EHD4: variants seen among roughly 807,000 people sequenced by gnomAD.
EHD4 encodes EH domain containing 4, also known as EH domain-containing protein 4.
A neutral mutation model predicts 51.0 loss-of-function variants in EHD4; 37 were observed. That is an observed-to-expected ratio of 0.73 (90% CI 0.56 to 0.95). The LOEUF (loss-of-function observed/expected upper bound fraction) is 0.95, where lower values mean the gene tolerates loss of function less well. EHD4 is among the 40% of genes least tolerant of loss of function. EHD4 has a pLI of 0.00. For missense variants in EHD4, 632 were observed against 733.1 expected, an observed-to-expected ratio of 0.86 and a Z score of 1.59; for synonymous variants, 297 against 317.3, an observed-to-expected ratio of 0.94 and a Z score of 0.68.
At chr15:41,908,899 C>T (rs1172494222) in intron 5 of EHD4, among the ~76,000 whole-genome samples, 3 of 152,242 alleles carry the variant, frequency 2.0e-5, no homozygotes, top group Non-Finnish European at 4.4e-5. Flanking sequence ...GTGGTGGCTG[C>T]AGGCATCTGA....
At chr15:41,925,577 G>T (rs926521346) in intron 3 of EHD4, among the ~76,000 whole-genome samples, 24 of 152,180 alleles carry the variant, frequency 1.6e-4, no homozygotes, top group Non-Finnish European at 1.2e-4. Flanking sequence ...ACTTATTCAT[G>T]CAATTAATAG....
In EHD4 at chr15:41,905,815, A is replaced by G. The variant is rs539099085; in HGVS notation, c.1089+3884T>C. On this transcript the variant is annotated intron_variant, in intron 5 of 5. Coordinates refer to ENST00000220325, the MANE Select transcript of EHD4 (RefSeq NM_139265.4). ...CTCTCAACTGGCTGGGAACACAGGC[A>G]TGAGCCAACCACACCTGGCTAATTT... is the stretch of plus-strand genomic sequence containing the variant. 2.6e-5 allele frequency among the ~76,000 whole-genome samples: 4 copies of G among 152,316 alleles called. No homozygotes were observed. In the East Asian group the frequency reaches 7.7e-4, roughly 29 times the overall value.
rs1322812513 is a variant in EHD4, at chr15:41,898,358, A to G, written c.*2287T>C. 1 of 152,204 alleles carries G rather than the reference A, an allele frequency of 6.6e-6. No homozygotes were observed. The allele number at this position is 152,204 out of a possible 1,614,324, so 9.4% of individuals were successfully genotyped here. On this transcript the variant is annotated 3_prime_UTR_variant, in exon 6 of 6. Transcript: ENST00000220325. ...TTACATATGTACACGTTGTTTTAAA[A>G]CGACATACTCATGTGACACACATGT...
chr15:41,954,550 T>C (rs1375908948), intron 1 of EHD4, among the ~76,000 whole-genome samples: 1 of 152,196 alleles, frequency 6.6e-6, no homozygotes, highest in African/African-American at 2.4e-5. Flanking sequence ...TTCTATCAAA[T>C]GCCAAATACA....
chr15:41,900,782 CGTCGCA>C lies in EHD4; in HGVS notation c.1483_1488del (p.Cys495_Asp496del), dbSNP rs1444937944. 2 of 1,614,048 alleles carry C rather than the reference CGTCGCA, an allele frequency of 1.2e-6. No individual in the cohort carries two copies. Among genetic ancestry groups the C allele is most frequent in the African/African-American group, 1.3e-5 (1 of 74,924 alleles). ...GCGAACTCCTCCTCATCAAGCATGC[CGTCGCA>C]GTCGCAGTCGGCCAGCTTCCAGATC... On this transcript the variant is annotated inframe_deletion, in exon 6 of 6. Transcript: ENST00000220325. The surrounding 1 kb of genome is among the most constrained non-coding windows in gnomAD (Gnocchi z 4.8).
chr15:41,954,577 A>G (rs1416115274), intron 1 of EHD4, among the ~76,000 whole-genome samples: 1 of 152,234 alleles, frequency 6.6e-6, no homozygotes, highest in Non-Finnish European at 1.5e-5. Flanking sequence ...CCATCTTTAA[A>G]AGAATGAGAA....
At chr15:41,949,378 A>T (rs994782443) in intron 2 of EHD4, among the ~76,000 whole-genome samples, 1 of 151,868 alleles carries the variant, frequency 6.6e-6, no homozygotes, top group Non-Finnish European at 1.5e-5. Flanking sequence ...TCAAAAAAAT[A>T]ATAATAATAA....
intron 5 of EHD4, among the ~76,000 whole-genome samples, chr15:41,906,836 G>A (rs7172468): frequency 0.34 from 52,306 of 152,112 alleles, 9,293 homozygotes; most frequent in Middle Eastern, 0.55. Context: ...GGAGTGGCTG[G>A]CTGGATCCTG....
At chr15:41,972,116 C>A (rs2068000586) in intron 1 of EHD4, 143 bp downstream of exon 1, 1 of 790,180 alleles carries the variant, frequency 1.3e-6, no homozygotes, top group Non-Finnish European at 1.6e-6. Flanking sequence ...GGGGCGGGGC[C>A]GAGGGCACCG....
chr15:41,916,919 C>T (rs1333421812), intron 4 of EHD4, among the ~76,000 whole-genome samples: 1 of 152,180 alleles, frequency 6.6e-6, no homozygotes, highest in Non-Finnish European at 1.5e-5. Context: ...GTTTGACCGT[C>T]CCCCACTCCC....
At position 41,919,455 on chromosome 15, in the gene EHD4, C is replaced by CA. The variant is rs1317330452; in HGVS notation, c.678_679insT (p.Val227CysfsTer51). 3.8e-6 allele frequency: 6 copies of CA among 1,572,796 alleles called. No individual in the cohort carries two copies. In the African/African-American group the frequency reaches 8.1e-5, roughly 21 times the overall value. On this transcript the variant is annotated frameshift_variant, in exon 4 of 6. Transcript: ENST00000220325. LOFTEE classifies it high-confidence loss of function. Reference sequence around the variant, plus strand: ...ACCCGCATCAGCTGCTGCGTGTCCACTTGGTCGGCCTTGTTCAGCACGACA... The same window carrying CA: ...ACCCGCATCAGCTGCTGCGTGTCCACATTGGTCGGCCTTGTTCAGCACGACA...
intron 1 of EHD4, among the ~76,000 whole-genome samples, chr15:41,955,093 T>C (rs1489590984): frequency 6.6e-6 from 1 of 152,162 alleles, no homozygotes; most frequent in Non-Finnish European, 1.5e-5. Flanking sequence ...ACAGTAAATC[T>C]GATGATATCT....
chr15:41,961,508 T>A (rs748564847), intron 1 of EHD4, among the ~76,000 whole-genome samples: 1 of 152,346 alleles, frequency 6.6e-6, no homozygotes, highest in Non-Finnish European at 1.5e-5. Context: ...GAACACAGCA[T>A]ATCCCAAAGT....
At chr15:41,917,034 C>G (rs2067589268) in intron 4 of EHD4, among the ~76,000 whole-genome samples, 2 of 152,196 alleles carry the variant, frequency 1.3e-5, no homozygotes, top group African/African-American at 2.4e-5. Context: ...GCCCGAGGCT[C>G]AAGGATGGCA....
chr15:41,964,340 A>T (rs1043680931), intron 1 of EHD4, among the ~76,000 whole-genome samples: 3 of 152,186 alleles, frequency 2.0e-5, no homozygotes, highest in Admixed American at 6.5e-5. Flanking sequence ...TCACGCCTAT[A>T]ATCCCAGCAC....
chr15:41,927,737 G>A (rs920757387), intron 3 of EHD4, among the ~76,000 whole-genome samples: 1 of 152,188 alleles, frequency 6.6e-6, no homozygotes, highest in African/African-American at 2.4e-5. Context: ...ATTTCAGTTA[G>A]GCAAGATGAA....
intron 4 of EHD4, among the ~76,000 whole-genome samples, chr15:41,910,067 G>A (rs892946578): frequency 1.3e-5 from 2 of 152,180 alleles, no homozygotes; most frequent in East Asian, 3.8e-4. Context: ...GAAATTCTAC[G>A]GCTACTGTTC....
chr15:41,921,910 C>A (rs1179828087), intron 3 of EHD4, among the ~76,000 whole-genome samples: 1 of 152,112 alleles, frequency 6.6e-6, no homozygotes, highest in African/African-American at 2.4e-5. Flanking sequence ...GAGAGGAGTG[C>A]TGAACCTTGG....
chr15:41,954,156 C>G (rs2067871202), intron 1 of EHD4, among the ~76,000 whole-genome samples: 1 of 152,160 alleles, frequency 6.6e-6, no homozygotes, highest in South Asian at 2.1e-4. Context: ...ATCCTGGAAG[C>G]TCTGCTCAGG....
Sources: gnomAD v4.1 joint callset for allele counts (sites outside exome capture counted in the v4.1 genomes callset) on GRCh38, gnomAD v4.1.1 for gene constraint, Gnocchi (gnomAD v3.1) non-coding constraint, MANE v1.5 for transcripts, NCBI Gene and HGNC (gene_info 2026-07-23, HGNC 2026-07-21) for gene names.